The following SHISA9 variants were observed in gnomAD, a reference collection of about 807,000 sequenced individuals.
The protein encoded by SHISA9 is protein shisa-9.
SHISA9 carries 13 observed loss-of-function variants against 38.0 expected under a neutral mutation model. The ratio of observed to expected loss-of-function variants is 0.34; its 90% CI spans 0.22 to 0.54. The LOEUF is 0.54. Ranked by LOEUF, SHISA9 falls within the 20% of genes least tolerant of loss-of-function variation. SHISA9 has a pLI of 0.91. For synonymous variants in SHISA9, 275 were observed against 242.0 expected, an observed-to-expected ratio of 1.14 and a Z score of -1.27; for missense variants, 538 against 575.8, an observed-to-expected ratio of 0.93 and a Z score of 0.67.
intron 2 of SHISA9, among the ~76,000 whole-genome samples, chr16:13,139,278 C>T (rs2050376843): frequency 6.8e-6 from 1 of 148,060 alleles, no homozygotes. Flanking sequence ...TCCTCTATCT[C>T]TTCCTTCTTC....
the SHISA9 span, among the ~76,000 whole-genome samples, chr16:13,434,426 T>TTTTTTGTTTGTTTTG: frequency 5.7e-5 from 3 of 52,496 alleles, no homozygotes; most frequent in Middle Eastern, 8.5e-3. Context: ...TATGTTTTTT[T>TTTTTTGTTTGTTTTG]TTTTTTTTTG....
intron 2 of SHISA9, among the ~76,000 whole-genome samples, chr16:13,120,696 G>A (rs779343786): frequency 1.3e-5 from 2 of 152,124 alleles, no homozygotes; most frequent in Admixed American, 6.6e-5. Flanking sequence ...AGGATGCCCC[G>A]AGCTGTGGGA....
At chr16:12,922,249 GC>G (rs1243668865) in intron 2 of SHISA9, among the ~76,000 whole-genome samples, 3 of 152,238 alleles carry the variant, frequency 2.0e-5, no homozygotes, top group African/African-American at 7.2e-5. Context: ...CCAATTTACA[GC>G]CTTACTAACA....
the SHISA9 span, among the ~76,000 whole-genome samples, chr16:13,337,152 C>T: frequency 1.3e-5 from 2 of 152,128 alleles, no homozygotes; most frequent in Non-Finnish European, 2.9e-5. Flanking sequence ...ACAGCTAACA[C>T]ATGGTTACTG....
intron 2 of SHISA9, among the ~76,000 whole-genome samples, chr16:13,022,442 C>T (rs948668479): frequency 6.6e-6 from 1 of 152,140 alleles, no homozygotes; most frequent in African/African-American, 2.4e-5. Flanking sequence ...CGCGATTCTC[C>T]TGCCTCAGCC....
chr16:13,102,851 G>T (rs368647475), intron 2 of SHISA9, among the ~76,000 whole-genome samples: 11 of 152,192 alleles, frequency 7.2e-5, no homozygotes, highest in South Asian at 2.1e-4. Context: ...TAGGCCAAGA[G>T]TCATCTTAAT....
chr16:13,550,752 T>C, the SHISA9 span, among the ~76,000 whole-genome samples: 1 of 152,196 alleles, frequency 6.6e-6, no homozygotes. Flanking sequence ...ATAAAAGTTT[T>C]CCCTCTCAGT....
the SHISA9 span, among the ~76,000 whole-genome samples, chr16:13,463,880 G>T: frequency 3.3e-5 from 5 of 152,248 alleles, no homozygotes; most frequent in African/African-American, 7.2e-5. Flanking sequence ...TGGAATTGCA[G>T]AAGCTTGTTA....
chr16:13,425,957 A>T, the SHISA9 span, among the ~76,000 whole-genome samples: 10 of 152,174 alleles, frequency 6.6e-5, no homozygotes, highest in African/African-American at 2.4e-4. Context: ...AAGGTCAAGT[A>T]CTTGTGCTTT....
chr16:13,036,614 G>T (rs980955990), intron 2 of SHISA9, among the ~76,000 whole-genome samples: 20 of 152,112 alleles, frequency 1.3e-4, no homozygotes, highest in African/African-American at 4.3e-4. Flanking sequence ...GCATGCACTT[G>T]CATATAAGCC....
At chr16:13,524,100 A>AT in the SHISA9 span, among the ~76,000 whole-genome samples, 1 of 152,146 alleles carries the variant, frequency 6.6e-6, no homozygotes, top group East Asian at 1.9e-4. Context: ...GTTCTTGACC[A>AT]TTATGCTATA....
intron 2 of SHISA9, among the ~76,000 whole-genome samples, chr16:13,104,199 G>T (rs147699394): frequency 6.6e-6 from 1 of 152,270 alleles, no homozygotes. Flanking sequence ...CTGAATTCCA[G>T]TTTGGCTTCA....
chr16:13,358,670 C>T, the SHISA9 span, among the ~76,000 whole-genome samples: 1 of 152,148 alleles, frequency 6.6e-6, no homozygotes, highest in South Asian at 2.1e-4. Flanking sequence ...GTGCTTCAAC[C>T]AACCAGTGAA....
the SHISA9 span, among the ~76,000 whole-genome samples, chr16:13,334,986 T>C: frequency 2.0e-5 from 3 of 152,302 alleles, no homozygotes; most frequent in East Asian, 5.8e-4. Flanking sequence ...ACAAGGTAAC[T>C]CCTACCTTTG....
chr16:13,129,799 T>C (rs531911746), intron 2 of SHISA9, among the ~76,000 whole-genome samples: 2 of 152,192 alleles, frequency 1.3e-5, no homozygotes, highest in East Asian at 1.9e-4. Flanking sequence ...CACCATCCTT[T>C]CTCCTATTTA....
intron 2 of SHISA9, among the ~76,000 whole-genome samples, chr16:12,949,501 C>T (rs2071728028): frequency 1.3e-5 from 2 of 152,186 alleles, no homozygotes; most frequent in Admixed American, 1.3e-4. Context: ...CAGCCCCTAG[C>T]CACATGTGGC....
chr16:12,961,505 A>T (rs573855337), intron 2 of SHISA9, among the ~76,000 whole-genome samples: 1 of 152,164 alleles, frequency 6.6e-6, no homozygotes, highest in East Asian at 1.9e-4. Context: ...CCTCCTCACA[A>T]TGGCACGCTC....
the SHISA9 span, among the ~76,000 whole-genome samples, chr16:13,518,124 C>T: frequency 6.6e-6 from 1 of 152,298 alleles, no homozygotes; most frequent in African/African-American, 2.4e-5. Context: ...ATCCCTCTGA[C>T]GCTGACCACT....
intron 1 of SHISA9, chr16:12,902,903 G>T: frequency 2.6e-6 from 1 of 381,614 alleles, no homozygotes; most frequent in East Asian, 4.8e-5. Context: ...GCCTCCTCCC[G>T]CTGGTGACTG....
Sources: allele counts gnomAD v4.1 joint callset (sites outside exome capture counted in the v4.1 genomes callset), GRCh38; gene constraint gnomAD v4.1.1; transcripts MANE v1.5; gene names NCBI Gene and HGNC (gene_info 2026-07-23, HGNC 2026-07-21).